Variants in SLC8A3 observed in about 807,000 individuals in gnomAD.
The protein encoded by SLC8A3 is solute carrier family 8 member A3.
A neutral mutation model predicts 65.4 loss-of-function variants in SLC8A3; 37 were observed. That is an observed-to-expected ratio of 0.57 (90% CI 0.44 to 0.74). SLC8A3 has a LOEUF of 0.74. Among genes scored for constraint, SLC8A3 ranks in the 30% least tolerant of loss-of-function variants. SLC8A3 has a pLI of 0.00. For synonymous variants in SLC8A3, 461 were observed against 444.5 expected (o/e 1.04, Z -0.47); for missense variants, 1,112 against 1,172.1 (o/e 0.95, Z 0.75).
intron 2 of SLC8A3, among the ~76,000 whole-genome samples, chr14:70,127,423 G>T (rs1894540883): frequency 6.6e-6 from 1 of 152,138 alleles, no homozygotes; most frequent in Non-Finnish European, 1.5e-5. Context: ...CGGTTTTGTA[G>T]ACCCGTGTTC....
intron 2 of SLC8A3, among the ~76,000 whole-genome samples, chr14:70,150,304 C>G (rs1896188869): frequency 6.6e-6 from 1 of 152,146 alleles, no homozygotes; most frequent in African/African-American, 2.4e-5. Flanking sequence ...GGTTAGATAA[C>G]TTCCTCTAGT....
At chr14:70,060,555 A>G (rs1216358170) in intron 3 of SLC8A3, 1 of 546,750 alleles carries the variant, frequency 1.8e-6, no homozygotes, top group Non-Finnish European at 3.4e-6. Context: ...CATTAGGGTA[A>G]TGAGGAGTTG....
rs773521937 is a variant in SLC8A3 at position 70,048,918 on chromosome 14, G to A, written c.2238C>T (p.Cys746=). The A allele has an allele frequency of 2.5e-6, 4 of 1,614,104 alleles. No homozygotes were observed. In the South Asian group the frequency reaches 3.3e-5, roughly 13 times the overall value. The stretch of plus-strand genomic sequence containing the variant: ...AGACGGCGAAGCAGGCCCAGCCGTG[G>A]CAGTACTCTGTGGGGGGCACACAGG... ...LFACVPPTEY[C]HGWACFAVSI... The change falls in exon 6 of 7, where the codon TGC becomes TGT. Residue 746 remains cysteine, a synonymous_variant. Transcript: ENST00000356921.
chr14:70,083,861 C>T (rs1476157525), intron 2 of SLC8A3, among the ~76,000 whole-genome samples: 1 of 152,110 alleles, frequency 6.6e-6, no homozygotes, highest in African/African-American at 2.4e-5. Flanking sequence ...GAGCATTACC[C>T]AATCCATACC....
rs149203299 is a variant in SLC8A3, at chr14:70,138,633, C to A, written c.1784+28006G>T. ...CAACAACCACCTTTTCTCTTGGTCT[C>A]CATACTTGAAGTTATTCCAACCATG... On this transcript the variant is annotated intron_variant, in intron 2 of 6. Coordinates refer to ENST00000356921, the MANE Select transcript of SLC8A3 (RefSeq NM_182932.3). 3.0e-3 allele frequency among the ~76,000 whole-genome samples: 459 copies of A among 152,302 alleles called. 2 individuals are homozygous for A. The highest frequency in any genetic ancestry group is 5.2e-3 in the Non-Finnish European group (355 of 68,020).
At chr14:70,168,914 G>C (rs535263943) in intron 1 of SLC8A3, among the ~76,000 whole-genome samples, 7 of 152,176 alleles carry the variant, frequency 4.6e-5, no homozygotes, top group Non-Finnish European at 1.0e-4. Flanking sequence ...AGGTTTGCAA[G>C]AGAGTATATT....
intron 2 of SLC8A3, among the ~76,000 whole-genome samples, chr14:70,070,378 T>G (rs896608004): frequency 2.0e-5 from 3 of 152,188 alleles, no homozygotes; most frequent in Admixed American, 6.5e-5. Context: ...GGTGCTATTT[T>G]TATCCCCATT....
At chr14:70,169,542 T>G (rs1431005396) in intron 1 of SLC8A3, among the ~76,000 whole-genome samples, 1 of 152,196 alleles carries the variant, frequency 6.6e-6, no homozygotes, top group East Asian at 1.9e-4. Context: ...CTTCATCTAC[T>G]GGCCTCAAAC....
At chr14:70,156,357 A>T (rs1371334429) in intron 2 of SLC8A3, among the ~76,000 whole-genome samples, 1 of 152,240 alleles carries the variant, frequency 6.6e-6, no homozygotes, top group Non-Finnish European at 1.5e-5. Context: ...TTTCATTCTT[A>T]TGCATCTCAG....
chr14:70,168,603 C>T, intron 1 of SLC8A3, 119 bp from the exon 2 acceptor site: 5 of 582,172 alleles, frequency 8.6e-6, no homozygotes, highest in Non-Finnish European at 1.2e-5. Context: ...ACATATGGGG[C>T]AGTCTCTCAC....
Position 70,046,656 on chromosome 14 carries a change from C to T in SLC8A3, c.2390-333G>A. 8.4e-6 allele frequency: 2 copies of T among 238,842 alleles called. No individual in the cohort carries two copies. The highest frequency in any genetic ancestry group is 1.6e-4 in the East Asian group (2 of 12,436). 14.8% of individuals were successfully genotyped at this position (238,842 alleles called of 1,614,324 possible). A position where few individuals can be genotyped will look rare whatever the true frequency, so the allele number is the denominator to read the frequency against. On this transcript the variant is annotated intron_variant, in intron 6 of 6. Coordinates refer to ENST00000356921, the MANE Select transcript of SLC8A3 (RefSeq NM_182932.3). This position sits in a 1 kb window ranked among gnomAD's most constrained non-coding sequence, Gnocchi z 4.2. ...AAGTTTGCCATCCCATAATATCTCCCCAGGGAACCTTGACACCCTGGGAAG... is the reference window on the plus strand; with the variant it reads ...AAGTTTGCCATCCCATAATATCTCCTCAGGGAACCTTGACACCCTGGGAAG...
At chr14:70,114,123 G>A (rs1307125228) in intron 2 of SLC8A3, among the ~76,000 whole-genome samples, 1 of 152,276 alleles carries the variant, frequency 6.6e-6, no homozygotes, top group Middle Eastern at 3.4e-3. Flanking sequence ...GGCCTGCAAG[G>A]TTGTGTACAG....
At position 70,048,602 on chromosome 14, in the gene SLC8A3, A is replaced by G. The variant is rs1160079196; in HGVS notation, c.2389+165T>C. 3 of 710,636 alleles carry G rather than the reference A, an allele frequency of 4.2e-6. No individual in the cohort carries two copies. In the Admixed American group the frequency reaches 6.0e-5, roughly 14 times the overall value. The allele number at this position is 710,636 out of a possible 1,614,324, so 44.0% of individuals were successfully genotyped here. On this transcript the variant is annotated intron_variant, in intron 6 of 6. Transcript: ENST00000356921. ...TGCTCAAGAAATATTAGCTGTCATT[A>G]CTAATGTCATTATTCATCTCTTTGA...
chr14:70,142,715 CATT>C (rs138517128), intron 2 of SLC8A3, among the ~76,000 whole-genome samples: 8 of 152,294 alleles, frequency 5.3e-5, no homozygotes, highest in African/African-American at 1.9e-4. Context: ...ACTAAAAAGT[CATT>C]ATCTGAATGT....
intron 2 of SLC8A3, chr14:70,080,273 G>T (rs889564720): frequency 5.1e-6 from 5 of 982,222 alleles, no homozygotes; most frequent in Non-Finnish European, 6.0e-6. Context: ...GTGATGGTGG[G>T]GAGGGGAGGG....
chr14:70,115,505 T>A (rs1046808390), intron 2 of SLC8A3, among the ~76,000 whole-genome samples: 4 of 152,084 alleles, frequency 2.6e-5, no homozygotes, highest in Admixed American at 2.0e-4. Context: ...AAAGAATAAA[T>A]GGAAAATTCA....
At chr14:70,189,378 A>G (rs999800330), upstream of SLC8A3, among the ~76,000 whole-genome samples, 1 of 152,176 alleles carries the variant, frequency 6.6e-6, no homozygotes, top group Non-Finnish European at 1.5e-5. Flanking sequence ...CCTTGTCCTC[A>G]GGAGACGCTG....
At chr14:70,143,967 C>T (rs11849002) in intron 2 of SLC8A3, among the ~76,000 whole-genome samples, 5,801 of 152,234 alleles carry the variant, frequency 0.038, 369 homozygotes, top group African/African-American at 0.13. Flanking sequence ...CATTCCCTCT[C>T]GTGGGTTCCC....
At position 70,044,987 on chromosome 14, in the gene SLC8A3, T is replaced by G. The variant is rs937585498; in HGVS notation, c.*960A>C. On this transcript the variant is annotated 3_prime_UTR_variant, in exon 7 of 7. Coordinates refer to ENST00000356921, the MANE Select transcript of SLC8A3 (RefSeq NM_182932.3). ...GCCTGTATCCCTTTTGTTCTTCCAG[T>G]AGCCCTTTGTCGTCACACACCATTC... 1 of 152,222 alleles carries G rather than the reference T, an allele frequency of 6.6e-6. No homozygotes were observed. The highest frequency in any genetic ancestry group is 1.5e-5 in the Non-Finnish European group (1 of 68,052). The allele number at this position is 152,222 out of a possible 1,614,324, so 9.4% of individuals were successfully genotyped here.
Sources: allele counts gnomAD v4.1 joint callset (sites outside exome capture counted in the v4.1 genomes callset), GRCh38; gene constraint gnomAD v4.1.1; non-coding constraint Gnocchi (gnomAD v3.1); transcripts MANE v1.5; gene names NCBI Gene and HGNC (gene_info 2026-07-23, HGNC 2026-07-21).